The following POU2AF2 variants were observed in gnomAD, a reference collection of about 807,000 sequenced individuals.
The protein encoded by POU2AF2 is POU class 2 homeobox associating factor 2, also known as POU domain class 2-associating factor 2.
the POU2AF2 span, chr11:111,284,453 C>T: frequency 6.8e-7 from 1 of 1,469,596 alleles, no homozygotes; most frequent in Non-Finnish European, 9.0e-7. Context: ...CTGTGCTTGG[C>T]ATCCGGGTTG....
At chr11:111,276,453 A>AAAAATATAGATATATATAT in the POU2AF2 span, among the ~76,000 whole-genome samples, 1 of 37,692 alleles carries the variant, frequency 2.7e-5, no homozygotes, top group Non-Finnish European at 5.0e-5. Flanking sequence ...AAAAAAAAAA[A>AAAAATATAGATATATATAT]ATATATATAT....
chr11:111,254,335 CTTTGTTTT>C, the POU2AF2 span, among the ~76,000 whole-genome samples: 1 of 152,162 alleles, frequency 6.6e-6, no homozygotes. Context: ...ATTCAAATAA[CTTTGTTTT>C]GCTGAAATAA....
the POU2AF2 span, among the ~76,000 whole-genome samples, chr11:111,250,234 C>T: frequency 6.6e-6 from 1 of 151,842 alleles, no homozygotes; most frequent in African/African-American, 2.4e-5. Context: ...ATGTCCTTTC[C>T]TTGTCATTTC....
At chr11:111,284,200 T>G in the POU2AF2 span, 1 of 1,614,140 alleles carries the variant, frequency 6.2e-7, no homozygotes, top group Non-Finnish European at 8.5e-7. Flanking sequence ...CGTTTCCCTG[T>G]GAGTCCTCCG....
chr11:111,265,182 T>C, the POU2AF2 span, among the ~76,000 whole-genome samples: 9 of 152,082 alleles, frequency 5.9e-5, no homozygotes, highest in African/African-American at 1.7e-4. Flanking sequence ...CATAGAGAAG[T>C]GAAAGAGAAG....
At chr11:111,277,363 C>G in the POU2AF2 span, among the ~76,000 whole-genome samples, 3 of 152,114 alleles carry the variant, frequency 2.0e-5, no homozygotes, top group East Asian at 1.9e-4. Context: ...GGGGAGGAGT[C>G]GGTACTGTCA....
the POU2AF2 span, among the ~76,000 whole-genome samples, chr11:111,254,510 A>G: frequency 6.6e-6 from 1 of 152,222 alleles, no homozygotes; most frequent in Admixed American, 6.5e-5. Flanking sequence ...TCCTCTGAAG[A>G]CAGCTAAGAA....
chr11:111,252,170 T>C, the POU2AF2 span, among the ~76,000 whole-genome samples: 2 of 152,164 alleles, frequency 1.3e-5, no homozygotes, highest in African/African-American at 4.8e-5. Context: ...GTTGTCTAAG[T>C]CCACATCGAC....
the POU2AF2 span, among the ~76,000 whole-genome samples, chr11:111,250,528 T>G: frequency 6.6e-6 from 1 of 152,204 alleles, no homozygotes; most frequent in Non-Finnish European, 1.5e-5. Flanking sequence ...CACTAGCACT[T>G]GGGATGCATG....
chr11:111,283,220 G>A, the POU2AF2 span, among the ~76,000 whole-genome samples: 1 of 151,904 alleles, frequency 6.6e-6, no homozygotes, highest in Non-Finnish European at 1.5e-5. Context: ...GCTGATTTTT[G>A]TATTGTTTTT....
At chr11:111,256,298 C>G in the POU2AF2 span, among the ~76,000 whole-genome samples, 1 of 152,240 alleles carries the variant, frequency 6.6e-6, no homozygotes, top group Admixed American at 6.5e-5. Flanking sequence ...TACACTCCCT[C>G]TACTTCAATC....
chr11:111,266,235 C>T, the POU2AF2 span, among the ~76,000 whole-genome samples: 2 of 152,130 alleles, frequency 1.3e-5, no homozygotes, highest in African/African-American at 4.8e-5. Flanking sequence ...AAAAAATCTT[C>T]TGAGGGGTGC....
At chr11:111,248,190 C>T in the POU2AF2 span, among the ~76,000 whole-genome samples, 819 of 152,234 alleles carry the variant, frequency 5.4e-3, 9 homozygotes, top group African/African-American at 0.019. Context: ...TATCATCTCC[C>T]CAGATTAGAA....
the POU2AF2 span, among the ~76,000 whole-genome samples, chr11:111,246,871 G>A: frequency 6.6e-6 from 1 of 152,144 alleles, no homozygotes; most frequent in African/African-American, 2.4e-5. Context: ...GCACTGCAAT[G>A]TTATTAACTG....
the POU2AF2 span, among the ~76,000 whole-genome samples, chr11:111,247,113 C>T: frequency 0.28 from 42,705 of 151,592 alleles, 6,658 homozygotes; most frequent in East Asian, 0.67. Context: ...TCCTCCACTT[C>T]CAGCCAAGTT....
At chr11:111,265,904 C>T in the POU2AF2 span, among the ~76,000 whole-genome samples, 5 of 151,496 alleles carry the variant, frequency 3.3e-5, no homozygotes, top group African/African-American at 1.2e-4. Flanking sequence ...GCTGTAGTTA[C>T]CCACATGCTG....
At chr11:111,285,941 C>T in the POU2AF2 span, 1 of 1,614,004 alleles carries the variant, frequency 6.2e-7, no homozygotes, top group South Asian at 1.1e-5. Context: ...CAAGGTGGGG[C>T]CACTCTCCCC....
At chr11:111,246,362 G>A in the POU2AF2 span, among the ~76,000 whole-genome samples, 1 of 152,088 alleles carries the variant, frequency 6.6e-6, no homozygotes. Flanking sequence ...GAAGAGTCTG[G>A]GCTGTTATTT....
chr11:111,276,450 AAAAATAT>A, the POU2AF2 span, among the ~76,000 whole-genome samples: 1 of 43,612 alleles, frequency 2.3e-5, no homozygotes, highest in African/African-American at 6.3e-5. Context: ...AAAAAAAAAA[AAAAATAT>A]ATATATATAT....
Sources: allele counts gnomAD v4.1 joint callset (sites outside exome capture counted in the v4.1 genomes callset), GRCh38; gene constraint gnomAD v4.1.1; transcripts MANE v1.5; gene names NCBI Gene and HGNC (gene_info 2026-07-23, HGNC 2026-07-21).